Variants in PPP1R9A observed in about 807,000 individuals in gnomAD.
PPP1R9A encodes neurabin-1.
PPP1R9A carries 59 observed loss-of-function variants against 141.9 expected under a neutral mutation model. That is an observed-to-expected ratio of 0.42 (90% CI 0.34 to 0.52). PPP1R9A has a LOEUF of 0.52. Ranked by LOEUF, PPP1R9A falls within the 20% of genes least tolerant of loss-of-function variation. The pLI is 0.10. For synonymous variants in PPP1R9A, 500 were observed against 569.7 expected (o/e 0.88, Z 1.74); for missense variants, 1,444 against 1,611.9 (o/e 0.90, Z 1.78).
intron 4 of PPP1R9A, among the ~76,000 whole-genome samples, chr7:95,143,419 C>G (rs1827048605): frequency 6.6e-6 from 1 of 152,044 alleles, no homozygotes; most frequent in Admixed American, 6.6e-5. Context: ...AGATCTCAGA[C>G]TTATTATACT....
At chr7:94,911,874 T>C (rs1476138582) in intron 2 of PPP1R9A, among the ~76,000 whole-genome samples, 1 of 152,154 alleles carries the variant, frequency 6.6e-6, no homozygotes, top group East Asian at 1.9e-4. Flanking sequence ...ATAAATAATA[T>C]TTTCTGAATG....
intron 7 of PPP1R9A, among the ~76,000 whole-genome samples, chr7:95,211,579 A>T (rs1332418824): frequency 6.6e-6 from 1 of 152,076 alleles, no homozygotes; most frequent in Non-Finnish European, 1.5e-5. Flanking sequence ...CATTTATATC[A>T]CTGGCCAATA....
intron 2 of PPP1R9A, among the ~76,000 whole-genome samples, chr7:95,009,370 G>A (rs1329702689): frequency 1.3e-5 from 2 of 152,182 alleles, no homozygotes; most frequent in African/African-American, 4.8e-5. Context: ...TCTTGACAGG[G>A]ATGATAGCAT....
intron 2 of PPP1R9A, among the ~76,000 whole-genome samples, chr7:94,947,915 A>T: frequency 6.6e-6 from 1 of 152,128 alleles, no homozygotes; most frequent in East Asian, 1.9e-4. Flanking sequence ...ATAGCCAAGT[A>T]GTCAGGTCCT....
rs1791277174 is a variant in PPP1R9A, at chr7:94,909,995, T to C, written c.-119T>C. ...TGTTGGGACGATCACTGACACCGTA[T>C]ACCATTTGAGAGGTACTTTTCTTGA... On this transcript the variant is annotated 5_prime_UTR_variant, in exon 2 of 20. Transcript: ENST00000433360. 9.9e-6 allele frequency: 8 copies of C among 804,432 alleles called. No individual in the cohort carries two copies. In the South Asian group the frequency reaches 1.1e-4, roughly 11 times the overall value. The allele number at this position is 804,432 out of a possible 1,614,324, so 49.8% of individuals were successfully genotyped here.
chr7:95,095,214 AT>A (rs1395949810), intron 2 of PPP1R9A, among the ~76,000 whole-genome samples: 2 of 152,138 alleles, frequency 1.3e-5, no homozygotes, highest in African/African-American at 4.8e-5. Flanking sequence ...GCATTCACCT[AT>A]TTATTTTAAT....
At chr7:95,268,494 T>C in intron 12 of PPP1R9A, 56 bp from the exon 13 acceptor site, 1 of 1,589,516 alleles carries the variant, frequency 6.3e-7, no homozygotes, top group South Asian at 1.1e-5. Flanking sequence ...GTCTGTGGTC[T>C]CTTCATCAGT....
At chr7:95,066,507 A>G (rs1024782116) in intron 2 of PPP1R9A, among the ~76,000 whole-genome samples, 1 of 152,202 alleles carries the variant, frequency 6.6e-6, no homozygotes, top group Non-Finnish European at 1.5e-5. Flanking sequence ...AACTTTAAAA[A>G]TATTATAATT....
intron 2 of PPP1R9A, among the ~76,000 whole-genome samples, chr7:95,037,583 A>G (rs1808607778): frequency 6.6e-6 from 1 of 152,202 alleles, no homozygotes; most frequent in African/African-American, 2.4e-5. Context: ...GGTTTGCACT[A>G]TTGTAATATC....
rs984030846 is a variant in PPP1R9A at position 95,175,595 on chromosome 7, A to G, written c.1754+13624A>G. Among the ~76,000 whole-genome samples, 3 of 152,018 alleles carry G rather than the reference A, an allele frequency of 2.0e-5. No individual in the cohort carries two copies. In the East Asian group the frequency reaches 5.8e-4, roughly 29 times the overall value. ...ATTAGATTTTTTTTTAACTCCAGAC[A>G]ATCATTCTAGTACTGTCAGCAATTT... On this transcript the variant is annotated intron_variant, in intron 5 of 19. Transcript: ENST00000433360.
At chr7:95,038,540 A>T (rs1808772944) in intron 2 of PPP1R9A, among the ~76,000 whole-genome samples, 1 of 152,072 alleles carries the variant, frequency 6.6e-6, no homozygotes, top group Non-Finnish European at 1.5e-5. Context: ...GCCTTTTTTT[A>T]ATAAAATGTC....
intron 2 of PPP1R9A, among the ~76,000 whole-genome samples, chr7:95,020,155 A>G (rs1805722059): frequency 6.6e-6 from 1 of 152,186 alleles, no homozygotes; most frequent in Non-Finnish European, 1.5e-5. Context: ...ATACAGTTCT[A>G]GAAAGTGCAA....
intron 12 of PPP1R9A, among the ~76,000 whole-genome samples, chr7:95,253,265 A>T (rs1799138047): frequency 6.6e-6 from 1 of 152,126 alleles, no homozygotes; most frequent in Non-Finnish European, 1.5e-5. Flanking sequence ...CGTGCAGTAA[A>T]ACCCTGTTAT....
intron 7 of PPP1R9A, among the ~76,000 whole-genome samples, chr7:95,212,360 G>C (rs1281145115): frequency 6.6e-6 from 1 of 151,812 alleles, no homozygotes. Context: ...TTTTCTTTAG[G>C]ATATTTTAAA....
At chr7:95,046,965 G>T (rs976100229) in intron 2 of PPP1R9A, among the ~76,000 whole-genome samples, 2 of 152,206 alleles carry the variant, frequency 1.3e-5, no homozygotes, top group Admixed American at 1.3e-4. Context: ...ATCTATTGCG[G>T]TGTTTGTAAT....
At chr7:95,167,625 A>C (rs1183111484) in intron 5 of PPP1R9A, among the ~76,000 whole-genome samples, 1 of 152,182 alleles carries the variant, frequency 6.6e-6, no homozygotes, top group Admixed American at 6.5e-5. Flanking sequence ...TTTTCAGATG[A>C]TGTGATCTTA....
At chr7:94,948,291 A>G (rs1796103874) in intron 2 of PPP1R9A, among the ~76,000 whole-genome samples, 1 of 152,170 alleles carries the variant, frequency 6.6e-6, no homozygotes, top group South Asian at 2.1e-4. Context: ...CCAAATGTGC[A>G]CATTAGAGTT....
At chr7:95,146,819 T>C (rs1017300706) in intron 4 of PPP1R9A, among the ~76,000 whole-genome samples, 2 of 152,212 alleles carry the variant, frequency 1.3e-5, no homozygotes, top group African/African-American at 4.8e-5. Flanking sequence ...ATGTGTGGTG[T>C]TGTTTCTGAG....
intron 2 of PPP1R9A, among the ~76,000 whole-genome samples, chr7:95,043,735 C>T: frequency 6.6e-6 from 1 of 152,158 alleles, no homozygotes; most frequent in Non-Finnish European, 1.5e-5. Context: ...AATTTCCTTA[C>T]TGCCTGTGCC....
Sources: allele counts gnomAD v4.1 joint callset (sites outside exome capture counted in the v4.1 genomes callset), GRCh38; gene constraint gnomAD v4.1.1; transcripts MANE v1.5; gene names NCBI Gene and HGNC (gene_info 2026-07-23, HGNC 2026-07-21).